The following RBPMS variants were observed in gnomAD, a reference collection of about 807,000 sequenced individuals.
RBPMS encodes the protein RNA-binding protein with multiple splicing.
A neutral mutation model predicts 26.8 loss-of-function variants in RBPMS; 7 were observed. That is an observed-to-expected ratio of 0.26 (90% CI 0.15 to 0.49). The LOEUF (loss-of-function observed/expected upper bound fraction) is 0.49. Among genes scored for constraint, RBPMS ranks in the 20% least tolerant of loss-of-function variants. RBPMS has a pLI of 0.98. For synonymous variants in RBPMS, 96 were observed against 93.3 expected, an observed-to-expected ratio of 1.03 and a Z score of -0.17; for missense variants, 186 against 250.0, an observed-to-expected ratio of 0.74 and a Z score of 1.73.
At position 30,385,086 on chromosome 8, in the gene RBPMS, C is replaced by T. The variant is rs371964801; in HGVS notation, c.-7C>T. ...CCTGCCCGGCCCGGCGAGGAAGGAC[C>T]GGGAAGATGAACAACGGCGGCAAAG... On this transcript the variant is annotated 5_prime_UTR_variant, in exon 1 of 9. Coordinates refer to ENST00000397323, the MANE Select transcript of RBPMS (RefSeq NM_001008710.3). 6.6e-7 allele frequency: 1 copy of T among 1,517,480 alleles called. No individual in the cohort carries two copies. The allele number at this position is 1,517,480 out of a possible 1,614,324, so 94.0% of individuals were successfully genotyped here.
intron 4 of RBPMS, among the ~76,000 whole-genome samples, chr8:30,492,775 A>G (rs1246921956): frequency 2.0e-4 from 30 of 152,214 alleles, no homozygotes; most frequent in Admixed American, 2.0e-3. Flanking sequence ...GGCCTGTTTC[A>G]GTAATATAGA....
chr8:30,478,841 A>G (rs780173443), intron 3 of RBPMS, among the ~76,000 whole-genome samples: 46 of 152,178 alleles, frequency 3.0e-4, no homozygotes, highest in Non-Finnish European at 3.7e-4. Context: ...TGAGATAGGA[A>G]TGTTCACTTT....
At chr8:30,503,506 G>A (rs958635953) in intron 4 of RBPMS, among the ~76,000 whole-genome samples, 12 of 150,846 alleles carry the variant, frequency 8.0e-5, no homozygotes, top group Non-Finnish European at 1.3e-4. Flanking sequence ...CAATCCACTC[G>A]CCTCGGCCTC....
intron 1 of RBPMS, among the ~76,000 whole-genome samples, chr8:30,414,067 T>A (rs939872137): frequency 5.2e-4 from 79 of 152,310 alleles, no homozygotes; most frequent in African/African-American, 1.6e-3. Flanking sequence ...AAATCTTTGT[T>A]GACCTTAGAA....
intron 1 of RBPMS, among the ~76,000 whole-genome samples, chr8:30,390,735 G>T (rs1315067411): frequency 2.0e-5 from 3 of 152,002 alleles, no homozygotes; most frequent in Non-Finnish European, 4.4e-5. Context: ...TTAACTCCTG[G>T]TTATTATTTT....
intron 5 of RBPMS, among the ~76,000 whole-genome samples, chr8:30,541,170 ATCTC>A (rs1177626674): frequency 6.6e-6 from 1 of 152,124 alleles, no homozygotes; most frequent in Non-Finnish European, 1.5e-5. Flanking sequence ...ATTCATGTTT[ATCTC>A]TCTTTCAATG....
intron 4 of RBPMS, among the ~76,000 whole-genome samples, chr8:30,489,942 C>T (rs1406640228): frequency 2.6e-5 from 4 of 152,044 alleles, no homozygotes; most frequent in African/African-American, 9.7e-5. Context: ...TCCCGAATAG[C>T]TGGGACTACA....
chr8:30,387,819 C>A (rs1807291126), intron 1 of RBPMS, among the ~76,000 whole-genome samples: 1 of 152,110 alleles, frequency 6.6e-6, no homozygotes, highest in African/African-American at 2.4e-5. Flanking sequence ...ATTTTAGCTT[C>A]TTTTGAGAGT....
intron 1 of RBPMS, 148 bp downstream of exon 1, chr8:30,385,306 T>G (rs1585306509): frequency 2.0e-6 from 1 of 492,630 alleles, no homozygotes. Context: ...CCGGGGAGGG[T>G]GGATCTCGGG....
intron 1 of RBPMS, among the ~76,000 whole-genome samples, chr8:30,412,225 C>T (rs1432901913): frequency 1.3e-5 from 2 of 152,166 alleles, no homozygotes; most frequent in East Asian, 1.9e-4. Context: ...TTTCACAGAA[C>T]ACTGTGAGAA....
At chr8:30,492,662 A>G (rs1819518844) in intron 4 of RBPMS, among the ~76,000 whole-genome samples, 2 of 152,160 alleles carry the variant, frequency 1.3e-5, no homozygotes, top group African/African-American at 4.8e-5. Context: ...AAAAAAATAC[A>G]AGCTACTTTT....
At chr8:30,558,399 C>G in intron 6 of RBPMS, 1 of 194,000 alleles carries the variant, frequency 5.2e-6, no homozygotes, top group Non-Finnish European at 1.1e-5. Flanking sequence ...AGCTGGAACC[C>G]TTTTTTTAAA....
chr8:30,534,066 G>A (rs1302538526), intron 5 of RBPMS, among the ~76,000 whole-genome samples: 1 of 152,000 alleles, frequency 6.6e-6, no homozygotes, highest in African/African-American at 2.4e-5. Context: ...CCTGGGAGGC[G>A]GAGGTTGCAG....
chr8:30,385,546 A>G (rs1806949688), intron 1 of RBPMS: 1 of 182,072 alleles, frequency 5.5e-6, no homozygotes, highest in African/African-American at 2.4e-5. Context: ...GGAGCAGTTT[A>G]AGGAAGAAAC....
intron 1 of RBPMS, among the ~76,000 whole-genome samples, chr8:30,440,622 G>C (rs1473544562): frequency 1.3e-5 from 2 of 152,116 alleles, no homozygotes; most frequent in African/African-American, 4.8e-5. Context: ...GCTGCAATGA[G>C]CACAGGTGTG....
chr8:30,502,921 A>G (rs985752573), intron 4 of RBPMS, among the ~76,000 whole-genome samples: 3 of 150,368 alleles, frequency 2.0e-5, no homozygotes, highest in African/African-American at 7.3e-5. Context: ...TATGTTTCAC[A>G]GAACAGGCAC....
At chr8:30,556,311 T>C (rs1470784838) in intron 6 of RBPMS, 2 of 985,456 alleles carry the variant, frequency 2.0e-6, no homozygotes, top group Non-Finnish European at 2.4e-6. Context: ...GGAGTGCGCC[T>C]CGACCAGGCT....
At chr8:30,442,405 G>GA (rs1441084042) in intron 1 of RBPMS, among the ~76,000 whole-genome samples, 3 of 152,170 alleles carry the variant, frequency 2.0e-5, no homozygotes, top group African/African-American at 7.2e-5. Context: ...GAGCCTTGCA[G>GA]GTTTTTCTCA....
At chr8:30,388,485 A>G (rs1807380312) in intron 1 of RBPMS, among the ~76,000 whole-genome samples, 1 of 90,410 alleles carries the variant, frequency 1.1e-5, no homozygotes, top group Non-Finnish European at 2.2e-5. Flanking sequence ...CTATAGCTAT[A>G]AGCTAACTTA....
Sources: gnomAD v4.1 joint callset for allele counts (sites outside exome capture counted in the v4.1 genomes callset) on GRCh38, gnomAD v4.1.1 for gene constraint, MANE v1.5 for transcripts, NCBI Gene and HGNC (gene_info 2026-07-23, HGNC 2026-07-21) for gene names.